The following MCM9 variants were observed in gnomAD, a reference collection of about 807,000 sequenced individuals.
MCM9 encodes the protein minichromosome maintenance 9 homologous recombination repair factor.
A neutral mutation model predicts 72.8 loss-of-function variants in MCM9; 55 were observed. The observed-to-expected ratio is 0.76, with a 90% confidence interval of 0.61 to 0.95. The LOEUF (loss-of-function observed/expected upper bound fraction) is 0.95. MCM9 is among the 40% of genes least tolerant of loss of function. MCM9 has a pLI of 0.00. For missense variants in MCM9, 1,279 were observed against 1,377.0 expected (o/e 0.93, Z 1.13); for synonymous variants, 480 against 503.4 (o/e 0.95, Z 0.62).
intron 3 of MCM9, among the ~76,000 whole-genome samples, chr6:118,925,084 G>T (rs1583689278): frequency 1.3e-5 from 2 of 151,420 alleles, no homozygotes; most frequent in East Asian, 3.9e-4. Context: ...AAGGAGGGAA[G>T]GAGAAAGAGA....
At chr6:118,923,029 CAAAAAAAAAAAA>C (rs780562520) in intron 4 of MCM9, among the ~76,000 whole-genome samples, 1 of 43,526 alleles carries the variant, frequency 2.3e-5, no homozygotes, top group African/African-American at 7.3e-5. Flanking sequence ...AACTCCATCT[CAAAAAAAAAAAA>C]AAAAAAAAAA....
intron 8 of MCM9, among the ~76,000 whole-genome samples, chr6:118,906,000 C>T (rs1780152976): frequency 6.6e-6 from 1 of 152,186 alleles, no homozygotes. Context: ...TGACTTCAAA[C>T]CCTACCTTCA....
intron 1 of MCM9, among the ~76,000 whole-genome samples, chr6:118,934,116 C>T (rs974246917): frequency 4.6e-5 from 7 of 152,170 alleles, no homozygotes; most frequent in Admixed American, 6.5e-5. Context: ...CAGAATTCAA[C>T]GTTCAAATTA....
At chr6:118,869,085 TA>T (rs767263573) in intron 8 of MCM9, among the ~76,000 whole-genome samples, 90 of 152,186 alleles carry the variant, frequency 5.9e-4, no homozygotes, top group Admixed American at 4.0e-3. Flanking sequence ...TATGCAGCCA[TA>T]AAAAAGGATG....
Position 118,903,085 on chromosome 6 carries a change from T to G in MCM9, c.1150+8565A>C, listed in dbSNP as rs552838686. 2.6e-5 allele frequency among the ~76,000 whole-genome samples: 4 copies of G among 152,264 alleles called. No homozygotes were observed. In the East Asian group the frequency reaches 7.7e-4, roughly 29 times the overall value. Reference sequence around the variant, plus strand: ...CTTTTTCAAATTGTAAAATGCTTTTTAAAAGATGTTTTATATTTACAACAG... The same window carrying G: ...CTTTTTCAAATTGTAAAATGCTTTTGAAAAGATGTTTTATATTTACAACAG... On this transcript the variant is annotated intron_variant, in intron 8 of 13. Transcript: ENST00000619706.
chr6:118,893,954 A>T, intron 8 of MCM9: 4 of 943,708 alleles, frequency 4.2e-6, no homozygotes, highest in Non-Finnish European at 5.0e-6. Flanking sequence ...CGCCGCGGCC[A>T]CGCCCCCTCC....
chr6:118,921,412 A>G (rs933818631), intron 5 of MCM9: 2 of 152,310 alleles, frequency 1.3e-5, no homozygotes, highest in South Asian at 2.1e-4. Context: ...CATGCTAACC[A>G]TGTATAGTTC....
chr6:118,893,943 C>CCGCCGCGGCCACGCCCCCTCCGCCCCT (rs1322572318), intron 8 of MCM9: 1 of 913,732 alleles, frequency 1.1e-6, no homozygotes, highest in Non-Finnish European at 1.3e-6. Flanking sequence ...CCACGCCTCC[C>CCGCCGCGGCCACGCCCCCTCCGCCCCT]CGCCGCGGCC....
At chr6:118,836,406 T>C (rs557920207) in intron 9 of MCM9, among the ~76,000 whole-genome samples, 2 of 152,360 alleles carry the variant, frequency 1.3e-5, no homozygotes, top group South Asian at 4.1e-4. Context: ...TTTGTAATAG[T>C]TTCAGAAGGA....
intron 5 of MCM9, 34 bp from the exon 6 acceptor site, chr6:118,917,795 C>T (rs1222544637): frequency 6.4e-7 from 1 of 1,561,906 alleles, no homozygotes; most frequent in Non-Finnish European, 8.8e-7. Flanking sequence ...CCAGCAGTAG[C>T]ATCCTGCATG....
At chr6:118,901,647 A>G (rs1779803737) in intron 8 of MCM9, among the ~76,000 whole-genome samples, 1 of 152,210 alleles carries the variant, frequency 6.6e-6, no homozygotes, top group Admixed American at 6.5e-5. Flanking sequence ...ATATGGAACC[A>G]TTCAGTTATT....
chr6:118,871,649 G>A (rs139064201), intron 8 of MCM9, among the ~76,000 whole-genome samples: 23 of 152,330 alleles, frequency 1.5e-4, no homozygotes, highest in African/African-American at 5.3e-4. Context: ...AGGCACGGTG[G>A]CTCACGCCTG....
chr6:118,821,233 A>G (rs1773786910), intron 13 of MCM9, among the ~76,000 whole-genome samples: 1 of 152,080 alleles, frequency 6.6e-6, no homozygotes, highest in South Asian at 2.1e-4. Flanking sequence ...GGTCTTTACA[A>G]TTTGGTATGT....
At position 118,816,272 on chromosome 6, in the gene MCM9, G is replaced by C. The variant is rs368975394; in HGVS notation, c.1984C>G (p.Gln662Glu). 3.2e-6 allele frequency: 5 copies of C among 1,545,696 alleles called. No homozygotes were observed. The highest frequency in any genetic ancestry group is 2.7e-5 in the African/African-American group (2 of 73,012). The change falls in exon 14 of 14, where the codon CAA becomes GAA. Residue 662 changes from glutamine (Q) to glutamate (E), a missense_variant. Physicochemically the swap from Gln to Glu is conservative, Grantham distance 29. Coordinates refer to ENST00000619706, the MANE Select transcript of MCM9 (RefSeq NM_017696.3). The part of the protein sequence containing the change: ...LERLQNQSVH[Q>E]SQPRVLEVET... ...ACCTCCAATACCCGTGGTTGGGATT[G>C]GTGCACACTCTGATTCTGTAACCTG... is the stretch of plus-strand genomic sequence containing the variant.
Position 118,923,927 on chromosome 6 carries a change from G to A in MCM9, c.505C>T (p.Pro169Ser). Residue 169 changes from proline (P) to serine (S), a missense_variant, in exon 4 of 14, where the codon CCA (proline) becomes TCA (serine). Pro to Ser is a moderately conservative substitution (Grantham distance 74). Transcript: ENST00000619706. ...CTCTCCAAGCTGGGACACGAGGATG[G>A]CCGGCAAAAGGTGTAATACTGCTCA... The part of the protein sequence containing the change: ...DFEQYYTFCR[P>S]SSCPSLESCD... 6.2e-7 allele frequency: 1 copy of A among 1,614,212 alleles called. No individual in the cohort carries two copies. The highest frequency in any genetic ancestry group is 1.3e-5 in the African/African-American group (1 of 75,062).
At chr6:118,903,427 TC>T (rs1194111269) in intron 8 of MCM9, among the ~76,000 whole-genome samples, 9 of 151,980 alleles carry the variant, frequency 5.9e-5, no homozygotes. Flanking sequence ...TACTAAGTGC[TC>T]AGAGCTGAGC....
At chr6:118,902,144 A>G (rs923654347) in intron 8 of MCM9, among the ~76,000 whole-genome samples, 1 of 152,236 alleles carries the variant, frequency 6.6e-6, no homozygotes, top group Non-Finnish European at 1.5e-5. Context: ...GTGCATAACC[A>G]TGTAAAAGAC....
intron 3 of MCM9, among the ~76,000 whole-genome samples, chr6:118,928,903 C>T (rs571907550): frequency 3.3e-5 from 5 of 151,716 alleles, no homozygotes; most frequent in Admixed American, 6.6e-5. Flanking sequence ...AAATATTACT[C>T]GGCATACAGC....
chr6:118,825,946 G>A (rs1388974734), intron 13 of MCM9, among the ~76,000 whole-genome samples: 1 of 152,146 alleles, frequency 6.6e-6, no homozygotes, highest in African/African-American at 2.4e-5. Flanking sequence ...GGTGTTCGCA[G>A]TCACTGAGTT....
Sources: gnomAD v4.1 joint callset for allele counts (sites outside exome capture counted in the v4.1 genomes callset) on GRCh38, gnomAD v4.1.1 for gene constraint, MANE v1.5 for transcripts, NCBI Gene and HGNC (gene_info 2026-07-23, HGNC 2026-07-21) for gene names.